The following LRRCC1 variants were observed in gnomAD, a reference collection of about 807,000 sequenced individuals.
LRRCC1 encodes leucine-rich repeat and coiled-coil domain-containing protein 1.
Under a neutral mutation model 126.0 loss-of-function variants are expected in LRRCC1, and 115 were observed. The ratio of observed to expected loss-of-function variants is 0.91; its 90% CI spans 0.78 to 1.07. The LOEUF is 1.07. LRRCC1 is among the 50% of genes least tolerant of loss of function. The pLI, the probability that LRRCC1 is intolerant of heterozygous loss-of-function variation, is 0.00. For missense variants in LRRCC1, 1,172 were observed against 1,175.7 expected, an observed-to-expected ratio of 1.00 and a Z score of 0.05; for synonymous variants, 400 against 393.4, an observed-to-expected ratio of 1.02 and a Z score of -0.20.
chr8:85,121,088 G>C (rs1202336225), intron 6 of LRRCC1, among the ~76,000 whole-genome samples: 1 of 152,148 alleles, frequency 6.6e-6, no homozygotes, highest in African/African-American at 2.4e-5. Flanking sequence ...CCACATCCTT[G>C]CTATCTTGTT....
At chr8:85,132,853 C>T (rs781188957) in intron 12 of LRRCC1, among the ~76,000 whole-genome samples, 31 of 152,208 alleles carry the variant, frequency 2.0e-4, no homozygotes, top group Non-Finnish European at 4.1e-4. Context: ...CCCATTTCCT[C>T]TTGCCTACTT....
In LRRCC1 at chr8:85,110,042, G is replaced by A. The variant is rs772840108; in HGVS notation, c.311-73G>A. 188 of 680,248 alleles carry A rather than the reference G, an allele frequency of 2.8e-4. 2 individuals carry two copies. In the Middle Eastern group the frequency reaches 3.2e-3, roughly 12 times the overall value. 42.1% of individuals were successfully genotyped at this position (680,248 alleles called of 1,614,324 possible). A position where few individuals can be genotyped will look rare whatever the true frequency, so the allele number is the denominator to read the frequency against. Reference sequence around the variant, plus strand: ...CTTCAGAACAGTCTGAAATAACATTGTAATGCTATATCTCTGTAATTAATT... The same window carrying A: ...CTTCAGAACAGTCTGAAATAACATTATAATGCTATATCTCTGTAATTAATT... On this transcript the variant is annotated intron_variant, in intron 2 of 18. Coordinates refer to ENST00000360375, the MANE Select transcript of LRRCC1 (RefSeq NM_033402.5).
chr8:85,107,894 T>G (rs993955073), intron 1 of LRRCC1, among the ~76,000 whole-genome samples: 4 of 152,250 alleles, frequency 2.6e-5, no homozygotes, highest in Admixed American at 6.5e-5. Flanking sequence ...AAATCATTTG[T>G]CCGTTACAGA....
intron 6 of LRRCC1, among the ~76,000 whole-genome samples, chr8:85,121,212 C>T (rs898731301): frequency 4.6e-5 from 7 of 152,122 alleles, no homozygotes; most frequent in Admixed American, 6.5e-5. Context: ...GTCTTGTGGA[C>T]AGAAGAAAAG....
intron 6 of LRRCC1, among the ~76,000 whole-genome samples, chr8:85,121,941 T>C (rs1258450398): frequency 6.6e-6 from 1 of 152,218 alleles, no homozygotes; most frequent in Non-Finnish European, 1.5e-5. Flanking sequence ...TTATATTCCT[T>C]CAGCCAAGAC....
intron 6 of LRRCC1, among the ~76,000 whole-genome samples, chr8:85,118,928 T>C (rs1167091503): frequency 6.6e-6 from 1 of 152,144 alleles, no homozygotes; most frequent in Non-Finnish European, 1.5e-5. Flanking sequence ...TTTAAAAACT[T>C]TTGTGCATAC....
intron 6 of LRRCC1, among the ~76,000 whole-genome samples, chr8:85,120,499 T>C (rs1489084209): frequency 1.3e-5 from 2 of 152,234 alleles, no homozygotes; most frequent in Admixed American, 1.3e-4. Flanking sequence ...TCATGAAATG[T>C]TCCTCTTTAT....
chr8:85,109,928 A>G (rs1432869040), intron 2 of LRRCC1, 128 bp downstream of exon 2: 6 of 627,026 alleles, frequency 9.6e-6, no homozygotes, highest in African/African-American at 1.9e-5. Context: ...TATACAAAAT[A>G]TTTTCTCCAA....
intron 11 of LRRCC1, among the ~76,000 whole-genome samples, chr8:85,131,207 T>C (rs955460952): frequency 6.6e-6 from 1 of 152,204 alleles, no homozygotes; most frequent in African/African-American, 2.4e-5. Flanking sequence ...TACAGGAATT[T>C]TGTACTTAGT....
chr8:85,138,816 G>A (rs1370577990), intron 17 of LRRCC1, among the ~76,000 whole-genome samples: 2 of 152,112 alleles, frequency 1.3e-5, no homozygotes, highest in African/African-American at 2.4e-5. Context: ...AGGCCGAGGT[G>A]GGTGGATCAC....
rs754227293 is a variant in LRRCC1, at chr8:85,130,035, T to A, written c.1743T>A (p.Leu581=). The A allele has an allele frequency of 6.3e-7, 1 of 1,594,190 alleles. No homozygotes were observed. Among genetic ancestry groups the A allele is most frequent in the Non-Finnish European group, 8.5e-7 (1 of 1,172,976 alleles). The part of the protein sequence containing the change: ...REQAQQLHQL[L]ALKEQEHRKE... ...AAGCGCAACAACTTCATCAACTTCT[T>A]GCATTGAAAGAACAGGAACACAGGT... is the stretch of plus-strand genomic sequence containing the variant. Residue 581 remains leucine, a synonymous_variant, in exon 11 of 19, where the codon CTT becomes CTA. Transcript: ENST00000360375.
intron 6 of LRRCC1, among the ~76,000 whole-genome samples, chr8:85,122,062 G>T (rs905765250): frequency 1.4e-4 from 22 of 152,046 alleles, no homozygotes; most frequent in African/African-American, 5.3e-4. Context: ...ATTCTCAATT[G>T]ACAATTTTTT....
At chr8:85,134,525 G>T (rs1810717433) in intron 12 of LRRCC1, among the ~76,000 whole-genome samples, 2 of 152,048 alleles carry the variant, frequency 1.3e-5, no homozygotes, top group Admixed American at 1.3e-4. Flanking sequence ...TTACCATTTT[G>T]GCCAGGCTGG....
In LRRCC1 at chr8:85,130,046, A is replaced by G. The variant is rs1367019098; in HGVS notation, c.1754A>G (p.Glu585Gly). 3 of 1,589,880 alleles carry G rather than the reference A, an allele frequency of 1.9e-6. No homozygotes were observed. Among genetic ancestry groups the G allele is most frequent in the Non-Finnish European group, 2.6e-6 (3 of 1,171,714 alleles). ...QQLHQLLALKEQEHRKELETR... is the reference protein window; with the variant it reads ...QQLHQLLALKGQEHRKELETR... ...CTTCATCAACTTCTTGCATTGAAAG[A>G]ACAGGAACACAGGTAAATGAAAAAT... Residue 585 changes from glutamate to glycine, a missense_variant, in exon 11 of 19, where the codon GAA (glutamate) becomes GGA (glycine). Physicochemically the swap from Glu to Gly is moderately conservative, Grantham distance 98. Transcript: ENST00000360375.
intron 1 of LRRCC1, chr8:85,108,744 A>T (rs985520572): frequency 6.6e-6 from 1 of 152,200 alleles, no homozygotes; most frequent in Non-Finnish European, 1.5e-5. Flanking sequence ...CTACAGCTGT[A>T]AGATAGCTGC....
chr8:85,144,470 A>AT (rs1563963624), intron 18 of LRRCC1, among the ~76,000 whole-genome samples: 19 of 18,022 alleles, frequency 1.1e-3, no homozygotes, highest in African/African-American at 2.0e-3. Flanking sequence ...ATATATATAT[A>AT]TATATTTTTT....
In LRRCC1 at chr8:85,138,211, A is replaced by G; in HGVS notation, c.2670A>G (p.Glu890=). 6.2e-7 allele frequency: 1 copy of G among 1,610,262 alleles called. No homozygotes were observed. Among genetic ancestry groups the G allele is most frequent in the Non-Finnish European group, 8.5e-7 (1 of 1,178,766 alleles). The part of the protein sequence containing the change: ...EKLKQQLKGK[E]VELEEIRKAY... ...TAAAACAACAGTTGAAAGGAAAGGA[A>G]GTAGAACTTGAAGAAATCAGAAAAG... The change falls in exon 16 of 19, where the codon GAA becomes GAG. Residue 890 remains glutamate, a synonymous_variant. Coordinates refer to ENST00000360375, the MANE Select transcript of LRRCC1 (RefSeq NM_033402.5).
At chr8:85,111,628 A>T (rs1808725218) in intron 3 of LRRCC1, among the ~76,000 whole-genome samples, 1 of 152,174 alleles carries the variant, frequency 6.6e-6, no homozygotes, top group Non-Finnish European at 1.5e-5. Flanking sequence ...ACCCCCAAAA[A>T]ATCAGCAAAA....
At chr8:85,139,424 C>T (rs1156416131) in intron 17 of LRRCC1, among the ~76,000 whole-genome samples, 3 of 152,106 alleles carry the variant, frequency 2.0e-5, no homozygotes, top group African/African-American at 7.2e-5. Context: ...ACCACAACGC[C>T]CAGCTAATTT....
Sources: gnomAD v4.1 joint callset for allele counts (sites outside exome capture counted in the v4.1 genomes callset) on GRCh38, gnomAD v4.1.1 for gene constraint, MANE v1.5 for transcripts, NCBI Gene and HGNC (gene_info 2026-07-23, HGNC 2026-07-21) for gene names.